UFL1: variants seen among roughly 807,000 people sequenced by gnomAD.
The protein encoded by UFL1 is E3 UFM1-protein ligase 1.
A neutral mutation model predicts 99.3 loss-of-function variants in UFL1; 78 were observed. That is an observed-to-expected ratio of 0.79 (90% confidence interval 0.65 to 0.95). The LOEUF is 0.95. Ranked by LOEUF, UFL1 falls within the 40% of genes least tolerant of loss-of-function variation. The pLI is 0.00. For missense variants in UFL1, 936 were observed against 937.0 expected (o/e 1.00, Z 0.01); for synonymous variants, 335 against 322.2 (o/e 1.04, Z -0.42).
intron 5 of UFL1, among the ~76,000 whole-genome samples, chr6:96,527,563 A>T (rs1251427819): frequency 2.0e-5 from 3 of 152,170 alleles, no homozygotes; most frequent in African/African-American, 7.2e-5. Flanking sequence ...CATTTAAAAT[A>T]CCATTTATAG....
chr6:96,554,618 A>C lies in UFL1; in HGVS notation c.*1115A>C, dbSNP rs1036179314. Reference sequence around the variant, plus strand: ...ATAAATTAAATTTCAAATATTTAAAAATACTATTTTATATAATTCCTTATG... The same window carrying C: ...ATAAATTAAATTTCAAATATTTAAACATACTATTTTATATAATTCCTTATG... On this transcript the variant is annotated 3_prime_UTR_variant, in exon 19 of 19. Coordinates refer to ENST00000369278, the MANE Select transcript of UFL1 (RefSeq NM_015323.5). 1 of 152,156 alleles carries C rather than the reference A, an allele frequency of 6.6e-6. No homozygotes were observed. Among genetic ancestry groups the C allele is most frequent in the Admixed American group, 6.5e-5 (1 of 15,268 alleles). The allele number at this position is 152,156 out of a possible 1,614,324, so 9.4% of individuals were successfully genotyped here. A position where few individuals can be genotyped will look rare whatever the true frequency, so the allele number is the denominator to read the frequency against.
At position 96,549,439 on chromosome 6, in the gene UFL1, G is replaced by T. The variant is rs202012131; in HGVS notation, c.1548G>T (p.Val516=). The T allele has an allele frequency of 3.5e-5, 56 of 1,596,876 alleles. No homozygotes were observed. The highest frequency in any genetic ancestry group is 4.5e-5 in the Non-Finnish European group (53 of 1,175,328). The part of the protein sequence containing the change: ...IKPLNKTYLE[V]VRSVFMSSTT... ...CTCTTAATAAAACTTATCTCGAGGT[G>T]GTACGTTCAGTATTCATGTCTTCAA... Residue 516 remains valine, a synonymous_variant, in exon 14 of 19, where the codon GTG becomes GTT. Transcript: ENST00000369278.
intron 12 of UFL1, among the ~76,000 whole-genome samples, chr6:96,544,606 T>G (rs1769975824): frequency 1.3e-5 from 2 of 150,974 alleles, no homozygotes; most frequent in African/African-American, 4.8e-5. Flanking sequence ...AAATAACTAC[T>G]GTTCTTCATG....
intron 6 of UFL1, among the ~76,000 whole-genome samples, chr6:96,530,380 T>C (rs1769767033): frequency 1.3e-5 from 2 of 152,316 alleles, no homozygotes; most frequent in African/African-American, 2.4e-5. Context: ...TTCTTGTTAT[T>C]GAATCATATC....
chr6:96,527,215 A>G (rs2127949064), intron 5 of UFL1, among the ~76,000 whole-genome samples: 1 of 152,254 alleles, frequency 6.6e-6, no homozygotes, highest in African/African-American at 2.4e-5. Context: ...TTTTTAAAAG[A>G]CCTTGATTTG....
chr6:96,534,414 T>G (rs1253637257), intron 7 of UFL1, 93 bp downstream of exon 7: 1 of 986,686 alleles, frequency 1.0e-6, no homozygotes, highest in African/African-American at 1.7e-5. Flanking sequence ...CCTCTTTTAT[T>G]GTTAATGTAA....
chr6:96,534,288 T>C lies in UFL1; in HGVS notation c.622T>C (p.Ser208Pro). The change falls in exon 7 of 19, where the codon TCA becomes CCA. Residue 208 changes from serine to proline, a missense_variant. Transcript: ENST00000369278. ...TRPTAVNSLISKYGFQEQLLY... is the reference protein window; with the variant it reads ...TRPTAVNSLIPKYGFQEQLLY... The stretch of plus-strand genomic sequence containing the variant: ...GCCTACAGCTGTGAATTCTTTGATT[T>C]CAAAATATGGATTTCAGGAGCAGCT... The C allele has an allele frequency of 6.3e-7, 1 of 1,581,630 alleles. No individual in the cohort carries two copies. Among genetic ancestry groups the C allele is most frequent in the Non-Finnish European group, 8.6e-7 (1 of 1,167,410 alleles).
At chr6:96,538,201 C>A (rs550972942) in intron 9 of UFL1, among the ~76,000 whole-genome samples, 1 of 151,882 alleles carries the variant, frequency 6.6e-6, no homozygotes. Context: ...GCCAGACAAG[C>A]TTGCTGTCTT....
chr6:96,531,118 A>T (rs1769777185), intron 6 of UFL1, among the ~76,000 whole-genome samples: 2 of 152,216 alleles, frequency 1.3e-5, no homozygotes, highest in African/African-American at 4.8e-5. Flanking sequence ...ATGCCTGATG[A>T]TCTGAGATGG....
intron 7 of UFL1, 93 bp from the exon 8 acceptor site, chr6:96,536,151 A>G (rs980243851): frequency 6.3e-6 from 8 of 1,279,990 alleles, no homozygotes; most frequent in Non-Finnish European, 6.3e-6. Context: ...TTTAAAGGTT[A>G]AGAATAAGTA....
At position 96,521,885 on chromosome 6, in the gene UFL1, C is replaced by T. The variant is rs1201558811; in HGVS notation, c.12C>T (p.Ala4=). 7 of 1,612,434 alleles carry T rather than the reference C, an allele frequency of 4.3e-6. No individual in the cohort carries two copies. The highest frequency in any genetic ancestry group is 4.0e-5 in the African/African-American group (3 of 74,942). MAD[A]WEEIRRLAAD... ...CGAGTCAGGCCGTGATGGCGGACGC[C>T]TGGGAAGAGATTAGGCGGTTGGCGG... Residue 4 remains alanine, a synonymous_variant, in exon 1 of 19, where the codon GCC becomes GCT. Coordinates refer to ENST00000369278, the MANE Select transcript of UFL1 (RefSeq NM_015323.5).
At chr6:96,522,461 T>A (rs1049912058) in intron 1 of UFL1, among the ~76,000 whole-genome samples, 1 of 152,210 alleles carries the variant, frequency 6.6e-6, no homozygotes, top group African/African-American at 2.4e-5. Flanking sequence ...TTCAGGGCAC[T>A]GACATTTTCT....
chr6:96,551,727 C>T, intron 16 of UFL1, 111 bp from the exon 17 acceptor site: 2 of 796,576 alleles, frequency 2.5e-6, no homozygotes, highest in Non-Finnish European at 4.0e-6. Flanking sequence ...AGAAAGTGAC[C>T]CTTTTAAAAA....
At chr6:96,535,678 T>C (rs1177319398) in intron 7 of UFL1, among the ~76,000 whole-genome samples, 1 of 152,042 alleles carries the variant, frequency 6.6e-6, no homozygotes, top group African/African-American at 2.4e-5. Flanking sequence ...GACTCCAACA[T>C]TGATCCTCTT....
chr6:96,552,738 C>A (rs1770100862), intron 18 of UFL1, 76 bp downstream of exon 18: 2 of 1,327,392 alleles, frequency 1.5e-6, no homozygotes, highest in South Asian at 1.5e-5. Flanking sequence ...AGATGAATTA[C>A]TGTCAGCACT....
In UFL1 at chr6:96,555,174, T is replaced by C. The variant is rs144751130; in HGVS notation, c.*1671T>C. On this transcript the variant is annotated 3_prime_UTR_variant, in exon 19 of 19. Transcript: ENST00000369278. Reference sequence around the variant, plus strand: ...GTAAAATTACGTAGCTGATTTTGTATGTAAAGATTAATTTCCATAATAAAA... The same window carrying C: ...GTAAAATTACGTAGCTGATTTTGTACGTAAAGATTAATTTCCATAATAAAA... 30 of 152,336 alleles carry C rather than the reference T, an allele frequency of 2.0e-4. No homozygotes were observed. The East Asian group carries it at 5.6e-3, about 28-fold the overall frequency. 9.4% of individuals were successfully genotyped at this position (152,336 alleles called of 1,614,324 possible).
At chr6:96,536,459 A>G in intron 8 of UFL1, 69 bp downstream of exon 8, 1 of 1,301,324 alleles carries the variant, frequency 7.7e-7, no homozygotes, top group Non-Finnish European at 1.1e-6. Context: ...AAAGTATTAT[A>G]CTAACCCTAG....
chr6:96,533,799 C>CA (rs5878435), intron 6 of UFL1, among the ~76,000 whole-genome samples: 63,968 of 113,454 alleles, frequency 0.56, 17,993 homozygotes, highest in East Asian at 0.66. Context: ...TACTCAAAAG[C>CA]AAAAAAAAAA....
chr6:96,525,435 TTTTC>T (rs750361696), intron 4 of UFL1, 41 bp downstream of exon 4: 31 of 1,466,580 alleles, frequency 2.1e-5, no homozygotes, highest in African/African-American at 1.7e-4. Context: ...ACTTTGTTTA[TTTTC>T]TTTCTTTTTT....
Sources: allele counts gnomAD v4.1 joint callset (sites outside exome capture counted in the v4.1 genomes callset), GRCh38; gene constraint gnomAD v4.1.1; transcripts MANE v1.5; gene names NCBI Gene and HGNC (gene_info 2026-07-23, HGNC 2026-07-21).